The following STPG2 variants were observed in gnomAD, a reference collection of about 807,000 sequenced individuals.
STPG2 encodes the protein sperm tail PG-rich repeat containing 2.
In STPG2, 56 loss-of-function variants were observed where a neutral mutation model predicts 54.2. The observed-to-expected ratio is 1.03, with a 90% CI of 0.83 to 1.29. The LOEUF is 1.29. Ranked by LOEUF, STPG2 falls within the 50% of genes most tolerant of loss-of-function variation. The pLI, the probability that STPG2 is intolerant of heterozygous loss-of-function variation, is 0.00. For synonymous variants in STPG2, 200 were observed against 181.8 expected (o/e 1.10, Z -0.81); for missense variants, 596 against 544.9 (o/e 1.09, Z -0.93).
intron 9 of STPG2, among the ~76,000 whole-genome samples, chr4:97,713,364 T>C (rs1378368703): frequency 6.6e-6 from 1 of 152,188 alleles, no homozygotes; most frequent in Non-Finnish European, 1.5e-5. Flanking sequence ...CTTGTATTCT[T>C]CAATGCCCCC....
At chr4:97,466,083 A>C (rs1729782171) in intron 4 of STPG2, among the ~76,000 whole-genome samples, 1 of 152,118 alleles carries the variant, frequency 6.6e-6, no homozygotes, top group Admixed American at 6.6e-5. Context: ...GTTTTAAATA[A>C]ATCCTTTATA....
intron 10 of STPG2, among the ~76,000 whole-genome samples, chr4:97,631,356 A>C (rs1007766927): frequency 6.6e-6 from 1 of 152,062 alleles, no homozygotes; most frequent in African/African-American, 2.4e-5. Context: ...ATCATTTACC[A>C]AATGACTTGG....
chr4:98,089,712 CT>C (rs34882013), intron 5 of STPG2, among the ~76,000 whole-genome samples: 57,016 of 146,156 alleles, frequency 0.39, 12,212 homozygotes, highest in Admixed American at 0.53. Flanking sequence ...ATGCCAACAT[CT>C]TTTTTTTTTT....
At chr4:97,966,226 C>A (rs774598360) in intron 7 of STPG2, among the ~76,000 whole-genome samples, 6 of 152,180 alleles carry the variant, frequency 3.9e-5, no homozygotes, top group Non-Finnish European at 8.8e-5. Flanking sequence ...ACAAGAACTT[C>A]ATGATGCATG....
Position 97,878,659 on chromosome 4 carries a change from C to G in STPG2, c.1045-37727G>C, listed in dbSNP as rs376632306. 3.9e-5 allele frequency among the ~76,000 whole-genome samples: 6 copies of G among 152,240 alleles called. No homozygotes were observed. In the South Asian group the frequency reaches 1.0e-3, roughly 26 times the overall value. On this transcript the variant is annotated intron_variant, in intron 8 of 10. Transcript: ENST00000295268. The stretch of plus-strand genomic sequence containing the variant: ...AGGTCCCTGGGTCAGGCCCATGAAA[C>G]CATTATTTCCTCCTGGCCTCTGGGT...
intron 9 of STPG2, among the ~76,000 whole-genome samples, chr4:97,766,349 T>A (rs1726052293): frequency 6.6e-6 from 1 of 152,056 alleles, no homozygotes; most frequent in South Asian, 2.1e-4. Flanking sequence ...AATCAAATAT[T>A]GAGAAACATG....
intron 5 of STPG2, among the ~76,000 whole-genome samples, chr4:98,016,889 T>C (rs1241365623): frequency 1.3e-5 from 2 of 152,178 alleles, no homozygotes; most frequent in African/African-American, 4.8e-5. Flanking sequence ...TTCTACTCTT[T>C]ACAAACAAGC....
At chr4:98,022,808 A>T (rs1289965402) in intron 5 of STPG2, among the ~76,000 whole-genome samples, 1 of 152,124 alleles carries the variant, frequency 6.6e-6, no homozygotes, top group Non-Finnish European at 1.5e-5. Flanking sequence ...AGTTGATCGC[A>T]TCGGCTCCTG....
chr4:98,013,735 G>A (rs1408881360), intron 5 of STPG2, among the ~76,000 whole-genome samples: 1 of 151,516 alleles, frequency 6.6e-6, no homozygotes, highest in Non-Finnish European at 1.5e-5. Context: ...ATTTTTTCTA[G>A]ATTTTCTAGT....
intron 10 of STPG2, among the ~76,000 whole-genome samples, chr4:97,611,632 A>G (rs1733732847): frequency 6.6e-6 from 1 of 151,998 alleles, no homozygotes; most frequent in Admixed American, 6.6e-5. Context: ...AGGTGTCAAA[A>G]GTAATAATGT....
In STPG2 at chr4:98,106,161, A is replaced by G. The variant is rs1739183262; in HGVS notation, c.501-97T>C. The G allele has an allele frequency of 1.0e-5, 9 of 864,842 alleles. No homozygotes were observed. In the South Asian group the frequency reaches 1.9e-4, roughly 19 times the overall value. 53.6% of individuals were successfully genotyped at this position (864,842 alleles called of 1,614,324 possible). A position where few individuals can be genotyped will look rare whatever the true frequency, so the allele number is the denominator to read the frequency against. Reference sequence around the variant, plus strand: ...TTCTTTCTACAGCAACATGTCCTGCAATTAAACTATGGAATAATAAGATTA... The same window carrying G: ...TTCTTTCTACAGCAACATGTCCTGCGATTAAACTATGGAATAATAAGATTA... On this transcript the variant is annotated intron_variant, in intron 4 of 10. Transcript: ENST00000295268.
At chr4:97,798,362 C>G (rs904982270) in intron 9 of STPG2, among the ~76,000 whole-genome samples, 6 of 152,060 alleles carry the variant, frequency 3.9e-5, no homozygotes, top group African/African-American at 1.4e-4. Context: ...AAATGTGTCC[C>G]AGAGATTCTG....
intron 1 of STPG2, among the ~76,000 whole-genome samples, chr4:98,135,623 A>G (rs1740115110): frequency 6.6e-6 from 1 of 151,818 alleles, no homozygotes; most frequent in Non-Finnish European, 1.5e-5. Context: ...TAATTTAGTG[A>G]CTGATGGTTT....
chr4:97,872,054 TA>T (rs908623251), intron 8 of STPG2, among the ~76,000 whole-genome samples: 1 of 151,130 alleles, frequency 6.6e-6, no homozygotes, highest in African/African-American at 2.4e-5. Context: ...GATCATCTCA[TA>T]AATGTTAGAA....
At chr4:97,609,066 T>A (rs1451441872) in intron 10 of STPG2, among the ~76,000 whole-genome samples, 1 of 152,104 alleles carries the variant, frequency 6.6e-6, no homozygotes, top group Non-Finnish European at 1.5e-5. Context: ...CATTTTTTTA[T>A]CCTTAATTCT....
At chr4:97,448,718 G>A (rs1338844095) in intron 4 of STPG2, among the ~76,000 whole-genome samples, 1 of 152,056 alleles carries the variant, frequency 6.6e-6, no homozygotes, top group Admixed American at 6.6e-5. Flanking sequence ...ATATCAGTGT[G>A]AGAACGAACT....
intron 4 of STPG2, among the ~76,000 whole-genome samples, chr4:97,495,998 C>T (rs1326532877): frequency 1.3e-5 from 2 of 151,284 alleles, no homozygotes; most frequent in Admixed American, 1.3e-4. Context: ...GTACATTAAA[C>T]AAATACTCCA....
At chr4:98,061,431 T>G (rs1737652377) in intron 5 of STPG2, among the ~76,000 whole-genome samples, 1 of 151,952 alleles carries the variant, frequency 6.6e-6, no homozygotes, top group Admixed American at 6.6e-5. Flanking sequence ...GCCACACACT[T>G]TTAAACCACC....
At chr4:98,049,682 C>T (rs528024207) in intron 5 of STPG2, among the ~76,000 whole-genome samples, 6 of 152,304 alleles carry the variant, frequency 3.9e-5, no homozygotes, top group Admixed American at 2.6e-4. Flanking sequence ...ACAGTTCCAA[C>T]AGTAAACAGT....
Sources: gnomAD v4.1 joint callset for allele counts (sites outside exome capture counted in the v4.1 genomes callset) on GRCh38, gnomAD v4.1.1 for gene constraint, MANE v1.5 for transcripts, NCBI Gene and HGNC (gene_info 2026-07-23, HGNC 2026-07-21) for gene names.